ST6GALNAC3: variants seen among roughly 807,000 people sequenced by gnomAD.
ST6GALNAC3 encodes alpha-N-acetylgalactosaminide alpha-2,6-sialyltransferase 3.
ST6GALNAC3 carries 25 observed loss-of-function variants against 32.7 expected under a neutral mutation model. The ratio of observed to expected loss-of-function variants is 0.76; its 90% CI spans 0.56 to 1.07. The LOEUF (loss-of-function observed/expected upper bound fraction) is 1.07, where lower values mean the gene tolerates loss of function less well. Ranked by LOEUF, ST6GALNAC3 falls within the 50% of genes least tolerant of loss-of-function variation. ST6GALNAC3 has a pLI of 0.00. For missense variants in ST6GALNAC3, 355 were observed against 382.4 expected, an observed-to-expected ratio of 0.93 and a Z score of 0.60; for synonymous variants, 129 against 133.1, an observed-to-expected ratio of 0.97 and a Z score of 0.21.
At chr1:76,480,761 TAAG>T (rs1557467696) in intron 3 of ST6GALNAC3, among the ~76,000 whole-genome samples, 2 of 152,244 alleles carry the variant, frequency 1.3e-5, no homozygotes, top group Admixed American at 1.3e-4. Flanking sequence ...GTAATAATAA[TAAG>T]TAATCACTCT....
chr1:76,473,666 A>G (rs1659173845), intron 3 of ST6GALNAC3, among the ~76,000 whole-genome samples: 1 of 152,176 alleles, frequency 6.6e-6, no homozygotes, highest in South Asian at 2.1e-4. Flanking sequence ...TCTTTAGTAG[A>G]CATTCCATTA....
At chr1:76,244,039 G>A (rs1657117159) in intron 1 of ST6GALNAC3, among the ~76,000 whole-genome samples, 1 of 152,150 alleles carries the variant, frequency 6.6e-6, no homozygotes, top group Non-Finnish European at 1.5e-5. Flanking sequence ...ACTTTGGGCA[G>A]TATGGCCATT....
intron 1 of ST6GALNAC3, among the ~76,000 whole-genome samples, chr1:76,095,608 T>TGTA (rs1647118139): frequency 6.6e-6 from 1 of 152,190 alleles, no homozygotes; most frequent in Non-Finnish European, 1.5e-5. Flanking sequence ...GCTGCCTACT[T>TGTA]GTAGGGCTGA....
intron 3 of ST6GALNAC3, among the ~76,000 whole-genome samples, chr1:76,467,450 A>G (rs1267580582): frequency 6.6e-6 from 1 of 152,026 alleles, no homozygotes; most frequent in Non-Finnish European, 1.5e-5. Flanking sequence ...TTTTGGAAAT[A>G]ACCTAAATGC....
intron 1 of ST6GALNAC3, among the ~76,000 whole-genome samples, chr1:76,157,080 C>A (rs1434744199): frequency 6.8e-6 from 1 of 147,434 alleles, no homozygotes; most frequent in Non-Finnish European, 1.5e-5. Context: ...GGTCTGGGCT[C>A]CAGGTGTGCT....
chr1:76,298,573 TCTTC>T (rs1418366920), intron 1 of ST6GALNAC3, among the ~76,000 whole-genome samples: 1 of 152,064 alleles, frequency 6.6e-6, no homozygotes, highest in East Asian at 1.9e-4. Flanking sequence ...ATTTGACATG[TCTTC>T]CTTTCTGTGA....
chr1:76,340,423 G>A (rs1012330197), intron 2 of ST6GALNAC3, among the ~76,000 whole-genome samples: 9 of 152,164 alleles, frequency 5.9e-5, no homozygotes, highest in African/African-American at 1.7e-4. Context: ...CCAGAAGGGT[G>A]CTCCCAAGGT....
chr1:76,564,575 ATT>A (rs200008546), intron 3 of ST6GALNAC3, among the ~76,000 whole-genome samples: 223 of 126,180 alleles, frequency 1.8e-3, no homozygotes, highest in African/African-American at 6.6e-3. Context: ...TGAATGCAGC[ATT>A]TTTTTTTTTT....
intron 1 of ST6GALNAC3, among the ~76,000 whole-genome samples, chr1:76,223,189 A>G (rs1045773900): frequency 6.6e-6 from 1 of 152,170 alleles, no homozygotes; most frequent in African/African-American, 2.4e-5. Flanking sequence ...GTACATATAC[A>G]CCATGGAATA....
chr1:76,288,635 T>C (rs1320916999), intron 1 of ST6GALNAC3, among the ~76,000 whole-genome samples: 1 of 152,176 alleles, frequency 6.6e-6, no homozygotes, highest in Admixed American at 6.5e-5. Flanking sequence ...CTGAATGGTA[T>C]GGGTCTCCAA....
intron 2 of ST6GALNAC3, among the ~76,000 whole-genome samples, chr1:76,366,502 G>C (rs1650382795): frequency 6.6e-6 from 1 of 152,148 alleles, no homozygotes; most frequent in South Asian, 2.1e-4. Context: ...ACTGAAATGT[G>C]ATCTTTCTCT....
intron 2 of ST6GALNAC3, among the ~76,000 whole-genome samples, chr1:76,315,708 T>A (rs1259303697): frequency 6.6e-6 from 1 of 152,138 alleles, no homozygotes; most frequent in Non-Finnish European, 1.5e-5. Flanking sequence ...GCAGTATATT[T>A]GCTTTTGGGT....
chr1:76,268,975 C>G (rs538106124), intron 1 of ST6GALNAC3, among the ~76,000 whole-genome samples: 56 of 152,312 alleles, frequency 3.7e-4, no homozygotes, highest in African/African-American at 1.3e-3. Context: ...TTGTCTTACC[C>G]TTTTTTTCAT....
intron 1 of ST6GALNAC3, among the ~76,000 whole-genome samples, chr1:76,076,830 C>T (rs1486941098): frequency 3.9e-5 from 6 of 152,158 alleles, no homozygotes; most frequent in Non-Finnish European, 8.8e-5. Flanking sequence ...TTGACGCTCC[C>T]TAGTTTAAGA....
intron 3 of ST6GALNAC3, among the ~76,000 whole-genome samples, chr1:76,516,759 G>A (rs550448102): frequency 1.1e-4 from 17 of 151,870 alleles, no homozygotes; most frequent in Non-Finnish European, 2.1e-4. Context: ...CTCTTAGTTC[G>A]TGTATATTTT....
chr1:76,116,913 AG>A (rs1304983118), intron 1 of ST6GALNAC3, among the ~76,000 whole-genome samples: 7 of 152,200 alleles, frequency 4.6e-5, no homozygotes, highest in Non-Finnish European at 7.3e-5. Context: ...TGGGTGGCAA[AG>A]TGAGACTCTG....
At chr1:76,080,705 C>G (rs1571100071) in intron 1 of ST6GALNAC3, among the ~76,000 whole-genome samples, 1 of 151,556 alleles carries the variant, frequency 6.6e-6, no homozygotes, top group African/African-American at 2.4e-5. Flanking sequence ...ACGATGAGGT[C>G]TCAAAGCATT....
At chr1:76,429,248 T>C (rs1161849596) in intron 3 of ST6GALNAC3, among the ~76,000 whole-genome samples, 1 of 152,148 alleles carries the variant, frequency 6.6e-6, no homozygotes, top group Non-Finnish European at 1.5e-5. Context: ...TGTCATAGAT[T>C]ATAGCATATA....
intron 3 of ST6GALNAC3, among the ~76,000 whole-genome samples, chr1:76,607,605 C>T (rs1647645367): frequency 1.3e-5 from 2 of 152,192 alleles, no homozygotes; most frequent in Admixed American, 1.3e-4. Flanking sequence ...GTCCCTATCA[C>T]TCAGGAAATT....
Sources: gnomAD v4.1 joint callset for allele counts (sites outside exome capture counted in the v4.1 genomes callset) on GRCh38, gnomAD v4.1.1 for gene constraint, MANE v1.5 for transcripts, NCBI Gene and HGNC (gene_info 2026-07-23, HGNC 2026-07-21) for gene names.